The following NTRK2 variants were observed in gnomAD, a reference collection of about 807,000 sequenced individuals.
NTRK2 encodes neurotrophic receptor tyrosine kinase 2.
Under a neutral mutation model 94.5 loss-of-function variants are expected in NTRK2, and 13 were observed. That is an observed-to-expected ratio of 0.14 (90% CI 0.09 to 0.22). NTRK2 has a LOEUF of 0.22. NTRK2 is among the 10% of genes least tolerant of loss of function. The pLI is 1.00. For missense variants in NTRK2, 639 were observed against 1,071.2 expected (o/e 0.60, Z 5.63); for synonymous variants, 372 against 407.4 (o/e 0.91, Z 1.05).
chr9:84,863,652 G>A (rs1274543883), intron 13 of NTRK2, among the ~76,000 whole-genome samples: 2 of 152,124 alleles, frequency 1.3e-5, no homozygotes, highest in Non-Finnish European at 2.9e-5. Context: ...ACTTTGCTGT[G>A]CTTTGCATTC....
Position 84,811,508 on chromosome 9 carries a change from A to G in NTRK2, c.1397-49532A>G, listed in dbSNP as rs187338679. On this transcript the variant is annotated intron_variant, in intron 12 of 18. Transcript: ENST00000277120. ...CTTTTTAGAAGTCTGCCGAGTGAGA[A>G]GGCCACAGTATCTCATGCTGTTTGC... 308 of 1,065,566 alleles carry G rather than the reference A, an allele frequency of 2.9e-4. 2 individuals are homozygous for G. In the African/African-American group the frequency reaches 4.7e-3, roughly 16 times the overall value. The allele number at this position is 1,065,566 out of a possible 1,614,324, so 66.0% of individuals were successfully genotyped here.
chr9:84,751,245 G>C (rs894273273), intron 11 of NTRK2, among the ~76,000 whole-genome samples: 2 of 152,130 alleles, frequency 1.3e-5, no homozygotes, highest in Non-Finnish European at 2.9e-5. Context: ...CTTCAGTAGA[G>C]AGAATAGTAA....
intron 13 of NTRK2, among the ~76,000 whole-genome samples, chr9:84,863,939 A>G (rs2075449663): frequency 6.6e-6 from 1 of 152,152 alleles, no homozygotes; most frequent in Non-Finnish European, 1.5e-5. Context: ...ATTCCCTTGC[A>G]ATCTGTTACA....
chr9:84,768,951 A>T (rs1237264787), intron 12 of NTRK2, among the ~76,000 whole-genome samples: 1 of 152,148 alleles, frequency 6.6e-6, no homozygotes, highest in African/African-American at 2.4e-5. Context: ...ACCTGATTAG[A>T]TGTGGAGGAC....
intron 17 of NTRK2, among the ~76,000 whole-genome samples, chr9:84,998,214 G>C (rs1335374793): frequency 6.6e-6 from 1 of 152,184 alleles, no homozygotes; most frequent in African/African-American, 2.4e-5. Flanking sequence ...GCACAAGCAA[G>C]CAGTCAATCA....
intron 12 of NTRK2, among the ~76,000 whole-genome samples, chr9:84,758,918 C>G (rs570412177): frequency 3.3e-5 from 5 of 152,240 alleles, no homozygotes; most frequent in African/African-American, 1.2e-4. Context: ...TTTGCCAGTT[C>G]TTTCTTATAG....
intron 2 of NTRK2, among the ~76,000 whole-genome samples, chr9:84,681,251 T>C (rs561532934): frequency 2.6e-5 from 4 of 152,306 alleles, no homozygotes; most frequent in East Asian, 3.9e-4. Flanking sequence ...AAATTTTTCA[T>C]TGTTGCCCCA....
chr9:84,980,407 A>G, intron 17 of NTRK2, among the ~76,000 whole-genome samples: 1 of 152,206 alleles, frequency 6.6e-6, no homozygotes, highest in East Asian at 1.9e-4. Context: ...AGGCTTGAAA[A>G]ATATGAACAT....
chr9:84,758,049 A>G (rs1277807197), intron 12 of NTRK2, among the ~76,000 whole-genome samples: 3 of 152,084 alleles, frequency 2.0e-5, no homozygotes, highest in Non-Finnish European at 4.4e-5. Context: ...ATTAATAATG[A>G]ATGTAAATAT....
chr9:84,996,043 T>C (rs1829710620), intron 17 of NTRK2, among the ~76,000 whole-genome samples: 1 of 152,226 alleles, frequency 6.6e-6, no homozygotes, highest in South Asian at 2.1e-4. Flanking sequence ...ATGCTTAAAA[T>C]TGACTTAACA....
intron 2 of NTRK2, among the ~76,000 whole-genome samples, chr9:84,693,171 T>G (rs938156516): frequency 2.0e-5 from 3 of 152,216 alleles, no homozygotes; most frequent in Non-Finnish European, 4.4e-5. Context: ...GCACCCTTGT[T>G]GGTCAGATCC....
intron 12 of NTRK2, among the ~76,000 whole-genome samples, chr9:84,858,282 G>GT (rs2075163236): frequency 6.6e-6 from 1 of 152,008 alleles, no homozygotes; most frequent in Admixed American, 6.6e-5. Context: ...CAGCCAAAAT[G>GT]ATTTCTCTAA....
intron 17 of NTRK2, among the ~76,000 whole-genome samples, chr9:84,986,470 A>G (rs1424581278): frequency 6.6e-6 from 1 of 152,188 alleles, no homozygotes; most frequent in Non-Finnish European, 1.5e-5. Flanking sequence ...CTGATCTGAT[A>G]GGAGGCGGAC....
rs989347444 is a variant in NTRK2, at chr9:84,978,717, G to A, written c.2172+23200G>A. On this transcript the variant is annotated intron_variant, in intron 17 of 18. Coordinates refer to ENST00000277120, the MANE Select transcript of NTRK2 (RefSeq NM_006180.6). Reference sequence around the variant, plus strand: ...GCCATCTGGGCTATGAAAATAGCTAGAGAGGAGAAGTCAGTGCCTGGCTTC... The same window carrying A: ...GCCATCTGGGCTATGAAAATAGCTAAAGAGGAGAAGTCAGTGCCTGGCTTC... 2.0e-5 allele frequency among the ~76,000 whole-genome samples: 3 copies of A among 152,210 alleles called. No individual in the cohort carries two copies. The East Asian group carries it at 5.8e-4, about 29-fold the overall frequency.
At chr9:84,841,150 G>A (rs149392216) in intron 12 of NTRK2, among the ~76,000 whole-genome samples, 15 of 152,300 alleles carry the variant, frequency 9.8e-5, no homozygotes, top group African/African-American at 3.4e-4. Flanking sequence ...CTCCATGCTG[G>A]CATTGCCCAC....
intron 12 of NTRK2, among the ~76,000 whole-genome samples, chr9:84,857,152 G>A (rs2075106121): frequency 6.6e-6 from 1 of 151,816 alleles, no homozygotes; most frequent in Non-Finnish European, 1.5e-5. Context: ...CCATCTTAGA[G>A]TTGTTAATGT....
chr9:84,877,104 A>G, intron 14 of NTRK2: 2 of 1,064,950 alleles, frequency 1.9e-6, no homozygotes, highest in Non-Finnish European at 2.3e-6. Context: ...TGAATCAATC[A>G]CACTTTCCTT....
At chr9:84,918,104 C>G (rs552802492) in intron 14 of NTRK2, among the ~76,000 whole-genome samples, 1 of 152,174 alleles carries the variant, frequency 6.6e-6, no homozygotes, top group Non-Finnish European at 1.5e-5. Flanking sequence ...AATACAATCA[C>G]GTCTGTGAAC....
rs988326880 is a variant in NTRK2 at position 84,874,497 on chromosome 9, C to T, written c.1633+7066C>T. The T allele has an allele frequency of 1.1e-5, 12 of 1,065,704 alleles. No homozygotes were observed. The East Asian group carries it at 2.0e-4, about 18-fold the overall frequency. 66.0% of individuals were successfully genotyped at this position (1,065,704 alleles called of 1,614,324 possible). On this transcript the variant is annotated intron_variant, in intron 14 of 18. Coordinates refer to ENST00000277120, the MANE Select transcript of NTRK2 (RefSeq NM_006180.6). ...GTCTCCTTCCTGGGGAGCTGTGATG[C>T]TGCTCTGAGGTTGATTGCTGAGGTT...
Sources: gnomAD v4.1 joint callset for allele counts (sites outside exome capture counted in the v4.1 genomes callset) on GRCh38, gnomAD v4.1.1 for gene constraint, MANE v1.5 for transcripts, NCBI Gene and HGNC (gene_info 2026-07-23, HGNC 2026-07-21) for gene names.